The following RACGAP1 variants were observed in gnomAD, a reference collection of about 807,000 sequenced individuals.
RACGAP1 encodes the protein rac GTPase-activating protein 1.
In RACGAP1, 30 loss-of-function variants were observed where a neutral mutation model predicts 78.1. That is an observed-to-expected ratio of 0.38 (90% CI 0.29 to 0.52). The LOEUF (loss-of-function observed/expected upper bound fraction) is 0.52, where lower values mean the gene tolerates loss of function less well. Ranked by LOEUF, RACGAP1 falls within the 20% of genes least tolerant of loss-of-function variation. The pLI is 0.82. For missense variants in RACGAP1, 587 were observed against 777.1 expected (o/e 0.76, Z 2.91); for synonymous variants, 231 against 264.8 (o/e 0.87, Z 1.24).
chr12:50,018,522 T>G, intron 1 of RACGAP1: 1 of 1,286,634 alleles, frequency 7.8e-7, no homozygotes, highest in South Asian at 1.2e-5. Flanking sequence ...ATACCCTAAG[T>G]GCTACAGGAC....
Position 50,005,244 on chromosome 12 carries a change from C to A in RACGAP1, c.425+12G>T, listed in dbSNP as rs1300792540. 2 of 1,613,744 alleles carry A rather than the reference C, an allele frequency of 1.2e-6. No individual in the cohort carries two copies. The highest frequency in any genetic ancestry group is 1.7e-6 in the Non-Finnish European group (2 of 1,179,936). ...GCTTGTGATAGGATAACAACAGATG[C>A]AGTTCCTCCACCTTTTGTTCCCAGC... On this transcript the variant is annotated intron_variant, in intron 4 of 16. Transcript: ENST00000312377.
intron 2 of RACGAP1, among the ~76,000 whole-genome samples, chr12:50,031,050 G>A (rs1277822532): frequency 1.3e-5 from 2 of 151,458 alleles, no homozygotes; most frequent in Non-Finnish European, 2.9e-5. Context: ...AAAGTGCTAG[G>A]ATTACAGACG....
chr12:50,007,701 C>T (rs1267323090), intron 2 of RACGAP1, among the ~76,000 whole-genome samples: 1 of 152,130 alleles, frequency 6.6e-6, no homozygotes, highest in Admixed American at 6.5e-5. Flanking sequence ...ATCAAACTTA[C>T]AAATCAGGAT....
At chr12:50,016,576 A>C in intron 2 of RACGAP1, 55 bp downstream of exon 2, 1 of 1,543,586 alleles carries the variant, frequency 6.5e-7, no homozygotes, top group Non-Finnish European at 8.9e-7. Context: ...CTTTGTAAAA[A>C]TCCCAAATTT....
At chr12:50,032,511 C>T (rs1237184153) in intron 1 of RACGAP1, among the ~76,000 whole-genome samples, 4 of 148,334 alleles carry the variant, frequency 2.7e-5, no homozygotes, top group African/African-American at 5.2e-5. Flanking sequence ...CCCGCCCCAG[C>T]GAGAAGGCAG....
chr12:50,013,591 C>T (rs1949482105), intron 2 of RACGAP1, among the ~76,000 whole-genome samples: 1 of 152,330 alleles, frequency 6.6e-6, no homozygotes, highest in Non-Finnish European at 1.5e-5. Context: ...GCATCCACCT[C>T]TAATGCAGAC....
chr12:50,016,566 C>T lies in RACGAP1; in HGVS notation c.85+65G>A, dbSNP rs191995260. 297 of 1,496,718 alleles carry T rather than the reference C, an allele frequency of 2.0e-4. No individual in the cohort carries two copies. The African/African-American group carries it at 3.7e-3, about 19-fold the overall frequency. The allele number at this position is 1,496,718 out of a possible 1,614,324, so 92.7% of individuals were successfully genotyped here. On this transcript the variant is annotated intron_variant, in intron 2 of 16. Coordinates refer to ENST00000312377, the MANE Select transcript of RACGAP1 (RefSeq NM_001319999.2). ...ACTTTAAGATTGGAAAATACTTCAG[C>T]TTTGTAAAAATCCCAAATTTGAAAT...
intron 1 of RACGAP1, among the ~76,000 whole-genome samples, chr12:50,023,062 C>T (rs1463417625): frequency 6.6e-6 from 1 of 152,108 alleles, no homozygotes; most frequent in African/African-American, 2.4e-5. Flanking sequence ...TCCAAGAAAG[C>T]GGAGATTTTT....
exon 1 of RACGAP1, chr12:50,033,127 T>G (rs909424697): frequency 6.6e-6 from 1 of 152,530 alleles, no homozygotes; most frequent in African/African-American, 2.4e-5. Flanking sequence ...TCGCCTTCGC[T>G]GGGTTCCGCC....
chr12:49,994,755 T>C lies in RACGAP1; in HGVS notation c.1045-246A>G, dbSNP rs527729226. On this transcript the variant is annotated intron_variant, in intron 10 of 16. Transcript: ENST00000312377. ...TTTTCATATATACACCACACTGTTA[T>C]GTGAACAAGGAATAAGACCACCAGC... Among the ~76,000 whole-genome samples, 3 of 152,338 alleles carry C rather than the reference T, an allele frequency of 2.0e-5. No homozygotes were observed. In the South Asian group the frequency reaches 6.2e-4, roughly 32 times the overall value.
chr12:50,024,575 T>A (rs1401041574), intron 1 of RACGAP1, among the ~76,000 whole-genome samples: 1 of 152,158 alleles, frequency 6.6e-6, no homozygotes, highest in Non-Finnish European at 1.5e-5. Flanking sequence ...ATTTGAGTGA[T>A]GGGGACACTA....
intron 1 of RACGAP1, among the ~76,000 whole-genome samples, chr12:50,019,543 G>C (rs975292957): frequency 3.3e-5 from 5 of 152,038 alleles, no homozygotes; most frequent in Non-Finnish European, 5.9e-5. Context: ...AAAAAGAACA[G>C]TTAAAAGCGG....
chr12:50,014,116 G>A, intron 2 of RACGAP1, among the ~76,000 whole-genome samples: 1 of 152,146 alleles, frequency 6.6e-6, no homozygotes, highest in African/African-American at 2.4e-5. Context: ...ATATTGAATG[G>A]CATAAGCAAG....
intron 8 of RACGAP1, 60 bp downstream of exon 8, chr12:49,999,556 A>G (rs1358798609): frequency 2.7e-6 from 4 of 1,454,548 alleles, no homozygotes; most frequent in Non-Finnish European, 1.9e-6. Flanking sequence ...TAAGAAACCA[A>G]CTCTCCAAAA....
At chr12:50,024,625 G>A (rs1950183507) in intron 1 of RACGAP1, among the ~76,000 whole-genome samples, 1 of 152,140 alleles carries the variant, frequency 6.6e-6, no homozygotes, top group South Asian at 2.1e-4. Flanking sequence ...ATGCATGTAA[G>A]AAATCTGCAC....
Position 49,992,013 on chromosome 12 carries a change from T to C in RACGAP1, c.1699A>G (p.Thr567Ala). The change falls in exon 15 of 17, where the codon ACA becomes GCA. Residue 567 changes from threonine to alanine, a missense_variant. Physicochemically the swap from Thr to Ala is moderately conservative, Grantham distance 58. Coordinates refer to ENST00000312377, the MANE Select transcript of RACGAP1 (RefSeq NM_001319999.2). ...TGGGCCTTACCTTTAATATCTGGTG[T>C]CTGTGGTGTTGAAAAGGCATTTGAG... ...ENSNAFSTPQ[T>A]PDIKVSLLGP... 6.2e-7 allele frequency: 1 copy of C among 1,613,846 alleles called. No individual in the cohort carries two copies. The highest frequency in any genetic ancestry group is 8.5e-7 in the Non-Finnish European group (1 of 1,179,968).
chr12:49,992,154 T>G, intron 14 of RACGAP1, 21 bp from the exon 15 acceptor site: 1 of 1,612,798 alleles, frequency 6.2e-7, no homozygotes, highest in Non-Finnish European at 8.5e-7. Flanking sequence ...GCAAATCTGT[T>G]AGCAAACTTC....
Position 50,004,317 on chromosome 12 carries a change from A to G in RACGAP1, c.426-13T>C. 6.3e-7 allele frequency: 1 copy of G among 1,583,716 alleles called. No individual in the cohort carries two copies. Among genetic ancestry groups the G allele is most frequent in the Non-Finnish European group, 8.6e-7 (1 of 1,156,886 alleles). ...AATGGTTGATAGTCTAGATCAGTGA[A>G]ACAATACAACGTTAGACATGGTAGA... On this transcript the variant is annotated splice_polypyrimidine_tract_variant and intron_variant, in intron 4 of 16. Transcript: ENST00000312377.
At chr12:50,022,343 G>A (rs1434399035) in intron 1 of RACGAP1, among the ~76,000 whole-genome samples, 1 of 152,216 alleles carries the variant, frequency 6.6e-6, no homozygotes, top group Non-Finnish European at 1.5e-5. Flanking sequence ...AGCACTTTGG[G>A]AGGCTGAAGC....
Sources: gnomAD v4.1 joint callset for allele counts (sites outside exome capture counted in the v4.1 genomes callset) on GRCh38, gnomAD v4.1.1 for gene constraint, MANE v1.5 for transcripts, NCBI Gene and HGNC (gene_info 2026-07-23, HGNC 2026-07-21) for gene names.